Variants in SFI1 observed in about 807,000 individuals in gnomAD.
The protein encoded by SFI1 is protein SFI1 homolog.
In SFI1, 195 loss-of-function variants were observed where a neutral mutation model predicts 207.5. That is an observed-to-expected ratio of 0.94 (90% CI 0.84 to 1.06). The LOEUF is 1.06. SFI1 is among the 50% of genes least tolerant of loss of function. SFI1 has a pLI of 0.00. For synonymous variants in SFI1, 630 were observed against 598.9 expected (o/e 1.05, Z -0.76); for missense variants, 1,634 against 1,588.0 (o/e 1.03, Z -0.49).
chr22:31,585,052 C>T lies in SFI1; in HGVS notation c.1347-16C>T. The T allele has an allele frequency of 6.2e-7, 1 of 1,610,792 alleles. No homozygotes were observed. The highest frequency in any genetic ancestry group is 8.5e-7 in the Non-Finnish European group (1 of 1,178,652). On this transcript the variant is annotated splice_polypyrimidine_tract_variant and intron_variant, in intron 13 of 32. Coordinates refer to ENST00000400288, the MANE Select transcript of SFI1 (RefSeq NM_001007467.3). ...TAAAAACTTGAAACCTGAAGGTGTT[C>T]TTCCTTTTGTTTCAGAATAGCACTG...
At chr22:31,527,143 C>T (rs983978150) in intron 2 of SFI1, among the ~76,000 whole-genome samples, 8 of 152,082 alleles carry the variant, frequency 5.3e-5, no homozygotes, top group Non-Finnish European at 7.4e-5. Context: ...GTGACCCTCC[C>T]GCCTCGGCCT....
intron 4 of SFI1, among the ~76,000 whole-genome samples, chr22:31,540,669 C>T (rs1256206657): frequency 6.6e-6 from 1 of 152,004 alleles, no homozygotes; most frequent in Non-Finnish European, 1.5e-5. Flanking sequence ...CAACCGCCAC[C>T]TCTCAGGTTC....
intron 2 of SFI1, among the ~76,000 whole-genome samples, chr22:31,511,385 G>A (rs1220669696): frequency 6.6e-6 from 1 of 151,286 alleles, no homozygotes; most frequent in East Asian, 2.0e-4. Context: ...CTTTAGGCCT[G>A]CTTTATTTCA....
chr22:31,587,477 G>GTT (rs770901062), intron 14 of SFI1: 107 of 66,122 alleles, frequency 1.6e-3, no homozygotes, highest in Non-Finnish European at 2.7e-3. Context: ...TAATGTTTGT[G>GTT]TTTTGTTTTT....
chr22:31,595,984 G>A (rs148471025), intron 15 of SFI1, among the ~76,000 whole-genome samples: 1 of 152,150 alleles, frequency 6.6e-6, no homozygotes, highest in Admixed American at 6.5e-5. Flanking sequence ...CAGGTGTGGC[G>A]GCTCATGCCT....
At position 31,585,087 on chromosome 22, in the gene SFI1, T is replaced by G. The variant is rs1056267326; in HGVS notation, c.1366T>G (p.Cys456Gly). 1.9e-6 allele frequency: 3 copies of G among 1,614,012 alleles called. No homozygotes were observed. The highest frequency in any genetic ancestry group is 2.5e-6 in the Non-Finnish European group (3 of 1,180,020). ...TTTCAGAATAGCACTGCTGTGCAAA[T>G]GTATCGAATTGTGGCTACAGTATAC... ...DHYRIALLCKCIELWLQYTQK... is the reference protein window; with the variant it reads ...DHYRIALLCKGIELWLQYTQK... The change falls in exon 14 of 33, where the codon TGT becomes GGT. Residue 456 changes from cysteine to glycine, a missense_variant. Cys to Gly is a radical substitution (Grantham distance 159). Coordinates refer to ENST00000400288, the MANE Select transcript of SFI1 (RefSeq NM_001007467.3).
intron 12 of SFI1, among the ~76,000 whole-genome samples, chr22:31,583,121 T>A (rs987577258): frequency 1.3e-5 from 2 of 152,180 alleles, no homozygotes; most frequent in Admixed American, 1.3e-4. Context: ...GTTTGTTTGT[T>A]TGTTTGTTTG....
intron 12 of SFI1, among the ~76,000 whole-genome samples, chr22:31,581,007 T>C (rs2064094447): frequency 6.6e-6 from 1 of 152,122 alleles, no homozygotes; most frequent in Non-Finnish European, 1.5e-5. Context: ...TACTTTCTTT[T>C]TTTCTTTACT....
chr22:31,511,746 C>T (rs62236255), intron 2 of SFI1, among the ~76,000 whole-genome samples: 2 of 152,008 alleles, frequency 1.3e-5, no homozygotes, highest in African/African-American at 4.8e-5. Context: ...CTCTGCCTCC[C>T]GGGTTCAGTG....
At chr22:31,566,282 T>C (rs2062299765) in intron 8 of SFI1, among the ~76,000 whole-genome samples, 1 of 152,094 alleles carries the variant, frequency 6.6e-6, no homozygotes, top group Admixed American at 6.6e-5. Context: ...TTAGTAGAGA[T>C]GGGGTTTCAC....
At chr22:31,596,964 AC>A (rs2067225180) in intron 15 of SFI1, among the ~76,000 whole-genome samples, 1 of 119,196 alleles carries the variant, frequency 8.4e-6, no homozygotes, top group Non-Finnish European at 1.8e-5. Flanking sequence ...ACGCGCACAC[AC>A]GGTACCCGTT....
intron 2 of SFI1, among the ~76,000 whole-genome samples, chr22:31,526,509 G>C (rs2057926967): frequency 6.6e-6 from 1 of 152,144 alleles, no homozygotes; most frequent in Admixed American, 6.5e-5. Flanking sequence ...GATTATGGGA[G>C]CTACAATTGC....
chr22:31,555,588 G>C (rs1378089687), intron 6 of SFI1, among the ~76,000 whole-genome samples: 1 of 152,202 alleles, frequency 6.6e-6, no homozygotes, highest in Non-Finnish European at 1.5e-5. Context: ...ACTCTGGAAA[G>C]AGCAGTTAGT....
chr22:31,589,680 G>A, intron 15 of SFI1, 103 bp downstream of exon 15: 1 of 1,269,250 alleles, frequency 7.9e-7, no homozygotes, highest in Non-Finnish European at 1.1e-6. Flanking sequence ...CAGACCCCAG[G>A]CCCTAGTACT....
intron 2 of SFI1, among the ~76,000 whole-genome samples, chr22:31,512,692 A>AT (rs36123367): frequency 8.3e-4 from 118 of 141,584 alleles, no homozygotes; most frequent in South Asian, 2.9e-3. Flanking sequence ...TAATATTTGT[A>AT]TTTTTTTTTT....
At chr22:31,507,714 A>G (rs1489591522) in intron 1 of SFI1, among the ~76,000 whole-genome samples, 1 of 152,190 alleles carries the variant, frequency 6.6e-6, no homozygotes, top group Non-Finnish European at 1.5e-5. Flanking sequence ...TCAAAAGAAG[A>G]CATATATATG....
chr22:31,547,714 G>T (rs748254800), intron 5 of SFI1, among the ~76,000 whole-genome samples: 2 of 150,672 alleles, frequency 1.3e-5, no homozygotes, highest in Non-Finnish European at 3.0e-5. Flanking sequence ...CCGCCGCCTG[G>T]GTTCAAGTGA....
In SFI1 at chr22:31,611,240, G is replaced by A. The variant is rs768450159; in HGVS notation, c.2352G>A (p.Arg784=). 1 of 1,613,596 alleles carries A rather than the reference G, an allele frequency of 6.2e-7. No homozygotes were observed. Among genetic ancestry groups the A allele is most frequent in the South Asian group, 1.1e-5 (1 of 91,064 alleles). Reference sequence around the variant, plus strand: ...AGAGGGCAGTGCAACACCACCACCGGCAGCTGCTGCTGGAGGGGCTGGCCC... The same window carrying A: ...AGAGGGCAGTGCAACACCACCACCGACAGCTGCTGCTGGAGGGGCTGGCCC... ...QLERAVQHHH[R]QLLLEGLARW... Residue 784 remains arginine (R), a synonymous_variant, in exon 23 of 33, where the codon CGG becomes CGA. Coordinates refer to ENST00000400288, the MANE Select transcript of SFI1 (RefSeq NM_001007467.3).
At chr22:31,554,264 T>C (rs769143005) in intron 6 of SFI1, among the ~76,000 whole-genome samples, 4 of 152,182 alleles carry the variant, frequency 2.6e-5, no homozygotes, top group Non-Finnish European at 4.4e-5. Context: ...GGATCTTGTA[T>C]ATCCTGCATC....
Sources: gnomAD v4.1 joint callset for allele counts (sites outside exome capture counted in the v4.1 genomes callset) on GRCh38, gnomAD v4.1.1 for gene constraint, MANE v1.5 for transcripts, NCBI Gene and HGNC (gene_info 2026-07-23, HGNC 2026-07-21) for gene names.